ACOT7: variants seen among roughly 807,000 people sequenced by gnomAD.
The protein encoded by ACOT7 is cytosolic acyl coenzyme A thioester hydrolase.
ACOT7 carries 12 observed loss-of-function variants against 40.2 expected under a neutral mutation model. The observed-to-expected ratio is 0.30, with a 90% CI of 0.19 to 0.48. The LOEUF is 0.48. Ranked by LOEUF, ACOT7 falls within the 20% of genes least tolerant of loss-of-function variation. The probability of loss-of-function intolerance (pLI) is 0.99; values close to 1 mark genes in which losing one functional copy is unlikely to be tolerated. For missense variants in ACOT7, 395 were observed against 530.8 expected, an observed-to-expected ratio of 0.74 and a Z score of 2.51; for synonymous variants, 228 against 219.5, an observed-to-expected ratio of 1.04 and a Z score of -0.34.
At chr1:6,318,836 G>T (rs974053816) in intron 5 of ACOT7, among the ~76,000 whole-genome samples, 3 of 152,176 alleles carry the variant, frequency 2.0e-5, no homozygotes, top group African/African-American at 7.2e-5. Context: ...GCCCTGCAAG[G>T]CCCTGCCCAG....
At chr1:6,364,780 G>A (rs142123206) in intron 1 of ACOT7, among the ~76,000 whole-genome samples, 1,713 of 146,138 alleles carry the variant, frequency 0.012, 29 homozygotes, top group African/African-American at 0.041. Flanking sequence ...CCCGGGAGGC[G>A]GAGGTTGCAG....
rs547859719 is a variant in ACOT7, at chr1:6,333,507, C to A, written c.480G>T (p.Val160=). The A allele has an allele frequency of 1.2e-6, 2 of 1,614,114 alleles. No individual in the cohort carries two copies. Among genetic ancestry groups the A allele is most frequent in the Non-Finnish European group, 1.7e-6 (2 of 1,180,044 alleles). The change falls in exon 4 of 9, where the codon GTG becomes GTT. Residue 160 remains valine, a synonymous_variant. Transcript: ENST00000361521. ...LWYVPLSLKN[V]DKVLEVPPVV... ...CAGGAGGCACCTCGAGGACCTTGTCCACATTCTTCAGCGACAGGGGCACAT... is the reference window on the plus strand; with the variant it reads ...CAGGAGGCACCTCGAGGACCTTGTCAACATTCTTCAGCGACAGGGGCACAT...
intron 6 of ACOT7, among the ~76,000 whole-genome samples, chr1:6,296,574 C>T (rs560113064): frequency 1.3e-5 from 2 of 152,100 alleles, no homozygotes; most frequent in Non-Finnish European, 2.9e-5. Flanking sequence ...CAGGCACGTG[C>T]CACTATGCCC....
intron 8 of ACOT7, among the ~76,000 whole-genome samples, chr1:6,273,786 G>A (rs535460465): frequency 2.0e-5 from 3 of 152,380 alleles, no homozygotes; most frequent in African/African-American, 7.2e-5. Context: ...GAGGCTGCGC[G>A]CGGCCACCAC....
chr1:6,300,033 C>T (rs536490692), intron 6 of ACOT7, among the ~76,000 whole-genome samples: 6 of 152,270 alleles, frequency 3.9e-5, no homozygotes, highest in Admixed American at 3.9e-4. Context: ...ACAGGAATGA[C>T]GATGAGCCAG....
chr1:6,281,193 C>G lies in ACOT7; in HGVS notation c.923G>C (p.Ser308Thr), dbSNP rs775787329. The change falls in exon 8 of 9, where the codon AGC becomes ACC. Residue 308 changes from serine (S) to threonine (T), a missense_variant. Around this residue, in one of 2 missense-constraint regions of ACOT7, gnomAD observed 309 missense variants for 470.3 expected, o/e 0.66. Coordinates refer to ENST00000361521, the MANE Select transcript of ACOT7 (RefSeq NM_007274.4). Reference protein sequence around the residue: ...VLVDADPVVDSSQKRYRAASA... With the variant: ...VLVDADPVVDTSQKRYRAASA... ...GGCGGCCCGGTAGCGCTTCTGAGAG[C>G]TGTCCACAACAGGGTCGGCGTCCAC... The G allele has an allele frequency of 6.2e-7, 1 of 1,614,172 alleles. No individual in the cohort carries two copies. The highest frequency in any genetic ancestry group is 1.7e-5 in the Admixed American group (1 of 60,032).
intron 1 of ACOT7, among the ~76,000 whole-genome samples, chr1:6,351,019 T>C (rs17029378): frequency 0.022 from 3,326 of 152,316 alleles, 114 homozygotes; most frequent in African/African-American, 0.076. Flanking sequence ...ACACAGTAGA[T>C]AGTCCACACG....
chr1:6,297,498 C>T (rs984829239), intron 6 of ACOT7, among the ~76,000 whole-genome samples: 2 of 152,178 alleles, frequency 1.3e-5, no homozygotes, highest in Non-Finnish European at 2.9e-5. Flanking sequence ...GTGGGGGCCC[C>T]GAGCAGAGGC....
At chr1:6,342,271 T>G (rs1641297511) in intron 2 of ACOT7, among the ~76,000 whole-genome samples, 1 of 152,132 alleles carries the variant, frequency 6.6e-6, no homozygotes, top group African/African-American at 2.4e-5. Flanking sequence ...ATGAAGACAT[T>G]GATCTCATTC....
chr1:6,286,825 G>A (rs190444290), intron 7 of ACOT7, among the ~76,000 whole-genome samples: 1 of 152,202 alleles, frequency 6.6e-6, no homozygotes, highest in Non-Finnish European at 1.5e-5. Flanking sequence ...TCAACTGCCC[G>A]CATTCATTAT....
Position 6,274,833 on chromosome 1 carries a change from G to GCC in ACOT7, c.1014+6268_1014+6269insGG, listed in dbSNP as rs1639142526. On this transcript the variant is annotated intron_variant, in intron 8 of 8. Transcript: ENST00000361521. This position sits in a 1 kb window ranked among gnomAD's most constrained non-coding sequence, Gnocchi z 5.9. ...GCGCGGTGTGGGTGGGCGGCGCAGT[G>GCC]CAGGTGGGCAGCGCGTTGGGACTCC... Among the ~76,000 whole-genome samples, 1 of 152,186 alleles carries GCC rather than the reference G, an allele frequency of 6.6e-6. No individual in the cohort carries two copies. The highest frequency in any genetic ancestry group is 1.5e-5 in the Non-Finnish European group (1 of 68,026).
chr1:6,369,118 G>C (rs1020687255), intron 1 of ACOT7, among the ~76,000 whole-genome samples: 1 of 151,726 alleles, frequency 6.6e-6, no homozygotes, highest in Non-Finnish European at 1.5e-5. Flanking sequence ...TGAGTAGCTG[G>C]GATTACACAC....
At chr1:6,344,763 CAAAAAAAAAAAA>C (rs58594477) in intron 2 of ACOT7, among the ~76,000 whole-genome samples, 10 of 56,030 alleles carry the variant, frequency 1.8e-4, no homozygotes, top group Admixed American at 2.3e-4. Flanking sequence ...GACTCTGTCT[CAAAAAAAAAAAA>C]AAAAAAAAAA....
chr1:6,382,822 A>C (rs974903384), intron 1 of ACOT7, among the ~76,000 whole-genome samples: 3 of 151,782 alleles, frequency 2.0e-5, no homozygotes, highest in East Asian at 1.9e-4. Flanking sequence ...AAAACAAAAC[A>C]AAACCTGCCA....
chr1:6,313,849 C>T (rs141126477), intron 6 of ACOT7, among the ~76,000 whole-genome samples: 34 of 152,238 alleles, frequency 2.2e-4, no homozygotes, highest in African/African-American at 8.2e-4. Flanking sequence ...CTTGTTGAAG[C>T]CAAGCTGTCT....
At position 6,393,491 on chromosome 1, in the gene ACOT7, G is replaced by T; in HGVS notation, c.-92C>A. On this transcript the variant is annotated 5_prime_UTR_variant, in exon 1 of 9. Transcript: ENST00000361521. Reference sequence around the variant, plus strand: ...AACGCGGCCTCCCCGCGCCGACCCCGCCCCCGCGCCGGCCCCACCCCGAGC... The same window carrying T: ...AACGCGGCCTCCCCGCGCCGACCCCTCCCCCGCGCCGGCCCCACCCCGAGC... 1 of 1,113,116 alleles carries T rather than the reference G, an allele frequency of 9.0e-7. No homozygotes were observed. The highest frequency in any genetic ancestry group is 1.1e-6 in the Non-Finnish European group (1 of 886,856). The allele number at this position is 1,113,116 out of a possible 1,614,324, so 69.0% of individuals were successfully genotyped here.
intron 7 of ACOT7, among the ~76,000 whole-genome samples, chr1:6,284,920 G>A (rs369957283): frequency 1.3e-5 from 2 of 152,158 alleles, no homozygotes; most frequent in Non-Finnish European, 2.9e-5. Flanking sequence ...TCTGAACCTC[G>A]GCTCAAGCAT....
intron 6 of ACOT7, among the ~76,000 whole-genome samples, chr1:6,296,102 C>T (rs2148396957): frequency 6.6e-6 from 1 of 152,206 alleles, no homozygotes. Flanking sequence ...TGCTATGTTG[C>T]CCAGGCTGGC....
rs1222199951 is a variant in ACOT7, at chr1:6,289,288, CG to C, written c.829+5575del. On this transcript the variant is annotated intron_variant, in intron 7 of 8. Transcript: ENST00000361521. The surrounding 1 kb of genome is among the most constrained non-coding windows in gnomAD (Gnocchi z 4.6). ...CTAATTTTTGTATTTTTAGTAGAGACGGGGTTTCACCATGTTGGCCAGGCTG... is the reference window on the plus strand; with the variant it reads ...CTAATTTTTGTATTTTTAGTAGAGACGGGTTTCACCATGTTGGCCAGGCTG... Among the ~76,000 whole-genome samples, 2 of 152,032 alleles carry C rather than the reference CG, an allele frequency of 1.3e-5. No homozygotes were observed. The highest frequency in any genetic ancestry group is 2.4e-5 in the African/African-American group (1 of 41,386).
Sources: gnomAD v4.1 joint callset for allele counts (sites outside exome capture counted in the v4.1 genomes callset) on GRCh38, gnomAD v4.1.1 for gene constraint, gnomAD v4.1.1 regional missense constraint, Gnocchi (gnomAD v3.1) non-coding constraint, MANE v1.5 for transcripts, NCBI Gene and HGNC (gene_info 2026-07-23, HGNC 2026-07-21) for gene names.